The following ABCA5 variants were observed in gnomAD, a reference collection of about 807,000 sequenced individuals.
ABCA5 encodes ATP binding cassette subfamily A member 5.
In ABCA5, 163 loss-of-function variants were observed where a neutral mutation model predicts 206.0. The ratio of observed to expected loss-of-function variants is 0.79; its 90% CI spans 0.70 to 0.90. The LOEUF is 0.90. Among genes scored for constraint, ABCA5 ranks in the 40% least tolerant of loss-of-function variants. ABCA5 has a pLI of 0.00. For synonymous variants in ABCA5, 609 were observed against 613.8 expected (o/e 0.99, Z 0.11); for missense variants, 1,859 against 1,912.9 (o/e 0.97, Z 0.53).
At chr17:69,265,507 T>C (rs970911294) in intron 23 of ABCA5, among the ~76,000 whole-genome samples, 2 of 152,160 alleles carry the variant, frequency 1.3e-5, no homozygotes, top group South Asian at 2.1e-4. Flanking sequence ...TCCTATCTCA[T>C]GTTCTCATTT....
chr17:69,273,858 T>A, intron 20 of ABCA5, 101 bp downstream of exon 20: 1 of 1,119,342 alleles, frequency 8.9e-7, no homozygotes, highest in East Asian at 2.5e-5. Context: ...AGACAGACCA[T>A]GCCTTTACCT....
intron 7 of ABCA5, among the ~76,000 whole-genome samples, chr17:69,303,318 A>T (rs1324836300): frequency 6.6e-6 from 1 of 151,996 alleles, no homozygotes; most frequent in Non-Finnish European, 1.5e-5. Flanking sequence ...GGGTTTCACC[A>T]TGTTGCCCAG....
intron 11 of ABCA5, among the ~76,000 whole-genome samples, chr17:69,292,336 T>C (rs2075537461): frequency 6.6e-6 from 1 of 152,174 alleles, no homozygotes; most frequent in Admixed American, 6.5e-5. Flanking sequence ...TCTTTTACAT[T>C]TTTGTCTTAT....
intron 15 of ABCA5, among the ~76,000 whole-genome samples, 192 bp downstream of exon 15, chr17:69,287,421 T>C (rs1344194474): frequency 6.6e-6 from 1 of 152,184 alleles, no homozygotes; most frequent in African/African-American, 2.4e-5. Flanking sequence ...AGGACATCAC[T>C]AAACCTGGGA....
intron 3 of ABCA5, among the ~76,000 whole-genome samples, chr17:69,310,244 C>G (rs1448453590): frequency 1.3e-5 from 2 of 152,156 alleles, no homozygotes; most frequent in Non-Finnish European, 2.9e-5. Flanking sequence ...AGAGATCCTC[C>G]CACCTCAGCT....
rs200887069 is a variant in ABCA5, at chr17:69,256,294, A to G, written c.3732-11T>C. ...TTCGTTGAAAGGTTTCTACATATATATAATAAATATAAAAGACAGTAGGTT... is the reference window on the plus strand; with the variant it reads ...TTCGTTGAAAGGTTTCTACATATATGTAATAAATATAAAAGACAGTAGGTT... On this transcript the variant is annotated splice_polypyrimidine_tract_variant and intron_variant, in intron 28 of 38. Transcript: ENST00000392676. The G allele has an allele frequency of 3.8e-5, 57 of 1,504,358 alleles. No individual in the cohort carries two copies. In the African/African-American group the frequency reaches 8.0e-4, roughly 21 times the overall value. The allele number at this position is 1,504,358 out of a possible 1,614,324, so 93.2% of individuals were successfully genotyped here. A position where few individuals can be genotyped will look rare whatever the true frequency, so the allele number is the denominator to read the frequency against.
At chr17:69,248,094 AG>A (rs1267598790) in intron 38 of ABCA5, among the ~76,000 whole-genome samples, 167 bp downstream of exon 38, 2 of 152,122 alleles carry the variant, frequency 1.3e-5, no homozygotes, top group African/African-American at 4.8e-5. Flanking sequence ...TTAAAAAATT[AG>A]TAAGTGAAGA....
chr17:69,251,620 A>T (rs1466030461), intron 35 of ABCA5, 127 bp downstream of exon 35: 1 of 1,307,504 alleles, frequency 7.6e-7, no homozygotes, highest in Non-Finnish European at 1.0e-6. Context: ...AATCTATCAA[A>T]AGCTAACTCA....
chr17:69,246,720 A>G lies in ABCA5; in HGVS notation c.*817T>C, dbSNP rs1247309998. 2 of 151,978 alleles carry G rather than the reference A, an allele frequency of 1.3e-5. No homozygotes were observed. The highest frequency in any genetic ancestry group is 4.8e-5 in the African/African-American group (2 of 41,454). The allele number at this position is 151,978 out of a possible 1,614,324, so 9.4% of individuals were successfully genotyped here. ...TTGCAAGGAAGATGACAAAAAATTT[A>G]TATGTTCCAAGAGTGATGAAGGAAA... On this transcript the variant is annotated 3_prime_UTR_variant, in exon 39 of 39. Transcript: ENST00000392676.
intron 12 of ABCA5, 71 bp downstream of exon 12, chr17:69,291,145 A>G (rs1285150072): frequency 9.8e-7 from 1 of 1,018,412 alleles, no homozygotes; most frequent in Non-Finnish European, 1.3e-6. Flanking sequence ...TCCCATTGAC[A>G]AAAATTATTC....
chr17:69,280,901 AG>A (rs2075385032), intron 18 of ABCA5, among the ~76,000 whole-genome samples: 2 of 152,128 alleles, frequency 1.3e-5, no homozygotes, highest in African/African-American at 4.8e-5. Context: ...GGGAGCGGGG[AG>A]GGATAGCATT....
At chr17:69,285,014 A>C (rs545532096) in intron 17 of ABCA5, among the ~76,000 whole-genome samples, 1 of 152,212 alleles carries the variant, frequency 6.6e-6, no homozygotes, top group Non-Finnish European at 1.5e-5. Flanking sequence ...CCTGGGTTCA[A>C]AACTCAGCTC....
intron 9 of ABCA5, among the ~76,000 whole-genome samples, chr17:69,297,937 C>T (rs1338638533): frequency 1.3e-5 from 2 of 152,172 alleles, no homozygotes; most frequent in Admixed American, 1.3e-4. Flanking sequence ...ATAATCCCAA[C>T]ACTTTGGAAG....
chr17:69,254,928 G>C (rs903360893), intron 31 of ABCA5, among the ~76,000 whole-genome samples: 1 of 152,192 alleles, frequency 6.6e-6, no homozygotes. Context: ...GGATGAAAAA[G>C]CAAGATGTAA....
chr17:69,250,332 T>C (rs2074997599), intron 36 of ABCA5, 140 bp downstream of exon 36: 3 of 612,316 alleles, frequency 4.9e-6, no homozygotes, highest in Non-Finnish European at 7.6e-6. Flanking sequence ...TGAAAAAATA[T>C]ACATATATAT....
At position 69,245,463 on chromosome 17, in the gene ABCA5, A is replaced by G. The variant is rs992837321; in HGVS notation, c.*2074T>C. Reference sequence around the variant, plus strand: ...AACATGAACTGTACACTGTAAATAAATATATTTCACTTTTTGCCTCCTTTG... The same window carrying G: ...AACATGAACTGTACACTGTAAATAAGTATATTTCACTTTTTGCCTCCTTTG... On this transcript the variant is annotated 3_prime_UTR_variant, in exon 39 of 39. Transcript: ENST00000392676. The G allele has an allele frequency of 7.9e-5, 12 of 152,008 alleles. No homozygotes were observed. Among genetic ancestry groups the G allele is most frequent in the South Asian group, 4.1e-4 (2 of 4,828 alleles). The allele number at this position is 152,008 out of a possible 1,614,324, so 9.4% of individuals were successfully genotyped here.
rs765122934 is a variant in ABCA5, at chr17:69,313,186, C to T, written c.213G>A (p.Lys71=). The T allele has an allele frequency of 3.7e-6, 6 of 1,600,510 alleles. No homozygotes were observed. The Admixed American group carries it at 1.0e-4, about 27-fold the overall frequency. ...CAAGAATTAGATTAGAAAGAGTAAA[C>T]TTGTCCATAGGATTGAGTTCTATAT... The part of the protein sequence containing the change: ...VPNIELNPMD[K]FTLSNLILGY... The change falls in exon 3 of 39, where the codon AAG becomes AAA. Residue 71 remains lysine (K), a synonymous_variant. Transcript: ENST00000392676.
chr17:69,297,178 G>A lies in ABCA5; in HGVS notation c.1436+13C>T. ...CAGTTCTTATACCTAAATTGCCAAA[G>A]ATTGAACCATACCTTATGGCTTCTT... On this transcript the variant is annotated intron_variant, in intron 10 of 38. Coordinates refer to ENST00000392676, the MANE Select transcript of ABCA5 (RefSeq NM_172232.4). 1 of 1,606,704 alleles carries A rather than the reference G, an allele frequency of 6.2e-7. No homozygotes were observed.
chr17:69,288,047 C>A (rs761518968), intron 14 of ABCA5, among the ~76,000 whole-genome samples: 2 of 152,058 alleles, frequency 1.3e-5, no homozygotes, highest in African/African-American at 4.8e-5. Context: ...TTGCTATTAT[C>A]CTTAACAATT....
Sources: allele counts gnomAD v4.1 joint callset (sites outside exome capture counted in the v4.1 genomes callset), GRCh38; gene constraint gnomAD v4.1.1; transcripts MANE v1.5; gene names NCBI Gene and HGNC (gene_info 2026-07-23, HGNC 2026-07-21).